Variants in AQP7B observed in about 807,000 individuals in gnomAD.
AQP7B encodes the protein aquaporin 7B.
At chr2:94,596,426 C>G in the AQP7B span, among the ~76,000 whole-genome samples, 1 of 152,176 alleles carries the variant, frequency 6.6e-6, no homozygotes, top group South Asian at 2.1e-4. Context: ...AGGTGCATGG[C>G]TAGAGGAAGG....
At chr2:94,588,652 C>A in the AQP7B span, 7 of 833,924 alleles carry the variant, frequency 8.4e-6, no homozygotes, top group East Asian at 1.6e-4. Flanking sequence ...GGGCAGCTGT[C>A]CCCCCTTGAC....
At chr2:94,602,409 G>A in the AQP7B span, 5 of 1,383,454 alleles carry the variant, frequency 3.6e-6, no homozygotes, top group East Asian at 2.5e-5. Context: ...GCATGGGGGT[G>A]AGGAGCTAGA....
At chr2:94,592,790 G>A in the AQP7B span, among the ~76,000 whole-genome samples, 3 of 120,216 alleles carry the variant, frequency 2.5e-5, no homozygotes, top group Non-Finnish European at 5.1e-5. Context: ...CCCTTAGGAA[G>A]AAAAACTGTT....
At chr2:94,603,997 G>C in the AQP7B span, 1 of 969,898 alleles carries the variant, frequency 1.0e-6, no homozygotes, top group Non-Finnish European at 1.6e-6. Flanking sequence ...GAGGGGTGGG[G>C]GGTGATGTGA....
At chr2:94,594,385 T>G in the AQP7B span, among the ~76,000 whole-genome samples, 3 of 152,192 alleles carry the variant, frequency 2.0e-5, no homozygotes, top group South Asian at 6.2e-4. Flanking sequence ...ACAACTGAGC[T>G]CTACTTTCCA....
At chr2:94,590,808 G>T in the AQP7B span, among the ~76,000 whole-genome samples, 1 of 151,688 alleles carries the variant, frequency 6.6e-6, no homozygotes, top group Non-Finnish European at 1.5e-5. Context: ...GCCGGTCATG[G>T]TGGCATGCTC....
At chr2:94,599,805 C>T in the AQP7B span, among the ~76,000 whole-genome samples, 17 of 152,184 alleles carry the variant, frequency 1.1e-4, no homozygotes, top group Non-Finnish European at 2.4e-4. Context: ...GGATCATGTT[C>T]TCTCTTCCCC....
chr2:94,593,682 C>T, the AQP7B span, among the ~76,000 whole-genome samples: 435 of 152,028 alleles, frequency 2.9e-3, 2 homozygotes, highest in African/African-American at 9.8e-3. Context: ...GATGGAGTTT[C>T]TCTATGTTGT....
chr2:94,602,660 C>T, the AQP7B span: 1 of 1,545,106 alleles, frequency 6.5e-7, no homozygotes, highest in Non-Finnish European at 8.9e-7. Context: ...ACCAGGTGTC[C>T]CCAACAGGCT....
the AQP7B span, among the ~76,000 whole-genome samples, chr2:94,597,209 T>TG: frequency 1.3e-5 from 2 of 152,168 alleles, no homozygotes; most frequent in African/African-American, 2.4e-5. Context: ...AGTTGGATCC[T>TG]GTCCCTCCTT....
the AQP7B span, among the ~76,000 whole-genome samples, chr2:94,596,059 C>G: frequency 6.6e-6 from 1 of 152,178 alleles, no homozygotes; most frequent in Non-Finnish European, 1.5e-5. Flanking sequence ...GTGAGGAGAA[C>G]CAGAGCTGAC....
chr2:94,598,420 C>T, the AQP7B span, among the ~76,000 whole-genome samples: 7 of 152,026 alleles, frequency 4.6e-5, no homozygotes, highest in African/African-American at 1.7e-4. Context: ...ATTCACTGAT[C>T]AGGGAGAGGA....
the AQP7B span, chr2:94,587,318 C>G: frequency 6.5e-6 from 1 of 153,102 alleles, no homozygotes; most frequent in Non-Finnish European, 1.5e-5. Flanking sequence ...GGAAGCTGAG[C>G]CAGGGACAGT....
At chr2:94,593,911 C>A in the AQP7B span, among the ~76,000 whole-genome samples, 1 of 152,182 alleles carries the variant, frequency 6.6e-6, no homozygotes, top group Non-Finnish European at 1.5e-5. Flanking sequence ...TCCATCTAAC[C>A]ATGCACTTAA....
chr2:94,594,679 G>A, the AQP7B span: 3 of 1,109,634 alleles, frequency 2.7e-6, no homozygotes, highest in Non-Finnish European at 4.1e-6. Context: ...GTGAGTTGAA[G>A]AGCCGATGGG....
At chr2:94,587,613 T>C in the AQP7B span, among the ~76,000 whole-genome samples, 1 of 152,132 alleles carries the variant, frequency 6.6e-6, no homozygotes, top group Non-Finnish European at 1.5e-5. Flanking sequence ...ACACCTTCTC[T>C]CTGGGCCTCA....
chr2:94,603,672 G>A, the AQP7B span: 5 of 1,347,756 alleles, frequency 3.7e-6, no homozygotes, highest in African/African-American at 1.5e-5. Context: ...TGTGGCTTGG[G>A]GAGGGGCCCA....
the AQP7B span, among the ~76,000 whole-genome samples, chr2:94,597,105 G>A: frequency 6.6e-6 from 1 of 152,062 alleles, no homozygotes; most frequent in African/African-American, 2.4e-5. Flanking sequence ...TATTAGGACG[G>A]GTGCTCTAGC....
chr2:94,588,571 C>A, the AQP7B span: 187 of 712,052 alleles, frequency 2.6e-4, 1 homozygote, highest in African/African-American at 2.9e-3. Context: ...CCTCTTCTCA[C>A]CCTCCAGCCC....
Sources: gnomAD v4.1 joint callset for allele counts (sites outside exome capture counted in the v4.1 genomes callset) on GRCh38, gnomAD v4.1.1 for gene constraint, MANE v1.5 for transcripts, NCBI Gene and HGNC (gene_info 2026-07-23, HGNC 2026-07-21) for gene names.